Variants in MAD1L1 observed in about 807,000 individuals in gnomAD.
The protein encoded by MAD1L1 is mitotic spindle assembly checkpoint protein MAD1.
Under a neutral mutation model 96.9 loss-of-function variants are expected in MAD1L1, and 95 were observed. That is an observed-to-expected ratio of 0.98 (90% CI 0.83 to 1.16). The LOEUF (loss-of-function observed/expected upper bound fraction) is 1.16. Ranked by LOEUF, MAD1L1 falls within the 50% of genes most tolerant of loss-of-function variation. The probability of loss-of-function intolerance (pLI) is 0.00; values close to 1 mark genes in which losing one functional copy is unlikely to be tolerated. For synonymous variants in MAD1L1, 473 were observed against 396.6 expected (o/e 1.19, Z -2.29); for missense variants, 1,007 against 954.4 (o/e 1.06, Z -0.73).
At chr7:2,010,324 G>A (rs1562604290) in intron 13 of MAD1L1, among the ~76,000 whole-genome samples, 3 of 152,094 alleles carry the variant, frequency 2.0e-5, no homozygotes, top group African/African-American at 4.8e-5. Flanking sequence ...GAAACACCGT[G>A]ACGGCCACTT....
At chr7:1,873,471 C>G (rs540875349) in intron 18 of MAD1L1, among the ~76,000 whole-genome samples, 2 of 151,714 alleles carry the variant, frequency 1.3e-5, no homozygotes, top group African/African-American at 4.8e-5. Context: ...GTGGGGAGCC[C>G]TGGTGGAGAG....
At chr7:1,882,371 G>A (rs1785737883) in intron 18 of MAD1L1, among the ~76,000 whole-genome samples, 1 of 152,352 alleles carries the variant, frequency 6.6e-6, no homozygotes, top group Admixed American at 6.5e-5. Context: ...GGGACCCAGA[G>A]AGGCAAATTC....
At chr7:2,005,842 T>A (rs933779695) in intron 13 of MAD1L1, among the ~76,000 whole-genome samples, 5 of 151,964 alleles carry the variant, frequency 3.3e-5, no homozygotes, top group Non-Finnish European at 7.4e-5. Context: ...CAAAAAAAGT[T>A]CGTTTGTAAC....
intron 15 of MAD1L1, among the ~76,000 whole-genome samples, chr7:1,965,801 G>A (rs1385324637): frequency 2.6e-5 from 4 of 152,264 alleles, no homozygotes; most frequent in Admixed American, 6.5e-5. Context: ...CTGCAGGGCC[G>A]GGCGTGGGCC....
At chr7:1,928,175 TGA>T (rs1562531022) in intron 17 of MAD1L1, among the ~76,000 whole-genome samples, 1 of 137,546 alleles carries the variant, frequency 7.3e-6, no homozygotes, top group Non-Finnish European at 1.6e-5. Flanking sequence ...CCGCCACGCC[TGA>T]GACTGTTCCC....
intron 10 of MAD1L1, among the ~76,000 whole-genome samples, chr7:2,191,473 G>A (rs540154724): frequency 2.0e-5 from 3 of 152,340 alleles, no homozygotes; most frequent in East Asian, 3.9e-4. Context: ...GCTAACACCT[G>A]TAATCCCACC....
chr7:1,950,919 C>T (rs976307877), intron 16 of MAD1L1, among the ~76,000 whole-genome samples: 4 of 152,266 alleles, frequency 2.6e-5, no homozygotes, highest in South Asian at 2.1e-4. Context: ...GCTCCCACCA[C>T]GGCAGTGTGG....
intron 11 of MAD1L1, among the ~76,000 whole-genome samples, chr7:2,087,413 G>C (rs976431394): frequency 6.6e-6 from 1 of 152,044 alleles, no homozygotes; most frequent in Non-Finnish European, 1.5e-5. Flanking sequence ...GGTGGCGCGC[G>C]CCTGTAATCT....
intron 18 of MAD1L1, among the ~76,000 whole-genome samples, chr7:1,842,394 G>A (rs868834636): frequency 1.2e-4 from 19 of 152,238 alleles, no homozygotes; most frequent in Admixed American, 6.5e-4. Context: ...CCAGGAGCCC[G>A]GCCTCAGCCG....
intron 11 of MAD1L1, among the ~76,000 whole-genome samples, chr7:2,139,719 C>T (rs574640985): frequency 1.2e-3 from 185 of 152,356 alleles, no homozygotes; most frequent in African/African-American, 4.3e-3. Context: ...GGCAGACCCC[C>T]GTCCAGATGG....
At chr7:1,866,259 G>A (rs531954750) in intron 18 of MAD1L1, among the ~76,000 whole-genome samples, 137 of 152,092 alleles carry the variant, frequency 9.0e-4, no homozygotes, top group African/African-American at 3.0e-3. Flanking sequence ...GCCCGGGTGC[G>A]CTCTGGGAGC....
intron 7 of MAD1L1, among the ~76,000 whole-genome samples, chr7:2,217,423 G>A (rs1793350129): frequency 6.6e-6 from 1 of 152,238 alleles, no homozygotes; most frequent in Non-Finnish European, 1.5e-5. Context: ...GGGCAGCTCT[G>A]CAGCCAGGAA....
rs1287593364 is a variant in MAD1L1 at position 2,069,066 on chromosome 7, C to G, written c.1218+128G>C. 5 of 1,287,772 alleles carry G rather than the reference C, an allele frequency of 3.9e-6. No individual in the cohort carries two copies. In the African/African-American group the frequency reaches 7.7e-5, roughly 20 times the overall value. The allele number at this position is 1,287,772 out of a possible 1,614,324, so 79.8% of individuals were successfully genotyped here. A position where few individuals can be genotyped will look rare whatever the true frequency, so the allele number is the denominator to read the frequency against. On this transcript the variant is annotated intron_variant, in intron 12 of 18. Coordinates refer to ENST00000265854, the MANE Select transcript of MAD1L1 (RefSeq NM_001013836.2). ...GCATTCCCAGAACCCTCCTGGCAAC[C>G]CAGGGCCAAAGTGCCAACCCTGACC...
chr7:1,944,370 C>A (rs1356288932), intron 16 of MAD1L1, among the ~76,000 whole-genome samples: 1 of 152,152 alleles, frequency 6.6e-6, no homozygotes. Flanking sequence ...GAATGTGCGT[C>A]GCATTTCAAT....
chr7:1,837,151 G>A (rs1350064864), intron 18 of MAD1L1, among the ~76,000 whole-genome samples: 2 of 152,214 alleles, frequency 1.3e-5, no homozygotes, highest in African/African-American at 4.8e-5. Context: ...ATAATTAGCA[G>A]AAGATGTGAA....
intron 10 of MAD1L1, among the ~76,000 whole-genome samples, chr7:2,171,762 G>A (rs1414583198): frequency 2.0e-5 from 3 of 151,932 alleles, no homozygotes; most frequent in Admixed American, 2.0e-4. Flanking sequence ...GCCATGCAAA[G>A]GGCAGCAGAG....
chr7:1,964,603 G>A (rs1368730186), intron 15 of MAD1L1, among the ~76,000 whole-genome samples: 1 of 152,226 alleles, frequency 6.6e-6, no homozygotes, highest in Non-Finnish European at 1.5e-5. Context: ...TCTGGCATAA[G>A]CTTCTTGAAA....
At chr7:2,221,277 C>A (rs1442570399) in intron 5 of MAD1L1, among the ~76,000 whole-genome samples, 1 of 152,210 alleles carries the variant, frequency 6.6e-6, no homozygotes, top group Non-Finnish European at 1.5e-5. Flanking sequence ...GGGGACAGCC[C>A]CCGGCCCAAC....
intron 10 of MAD1L1, among the ~76,000 whole-genome samples, chr7:2,182,283 A>C (rs1401623025): frequency 6.6e-6 from 1 of 152,148 alleles, no homozygotes; most frequent in Non-Finnish European, 1.5e-5. Context: ...TAAAAAAAAA[A>C]ATCCACTTTA....
Sources: allele counts gnomAD v4.1 joint callset (sites outside exome capture counted in the v4.1 genomes callset), GRCh38; gene constraint gnomAD v4.1.1; transcripts MANE v1.5; gene names NCBI Gene and HGNC (gene_info 2026-07-23, HGNC 2026-07-21).